The following APBA1 variants were observed in gnomAD, a reference collection of about 807,000 sequenced individuals.
The protein encoded by APBA1 is amyloid-beta A4 precursor protein-binding family A member 1.
Under a neutral mutation model 86.6 loss-of-function variants are expected in APBA1, and 55 were observed. The observed-to-expected ratio is 0.64, with a 90% CI of 0.51 to 0.80. The LOEUF is 0.80. APBA1 is among the 30% of genes least tolerant of loss of function. APBA1 has a pLI of 0.00. For synonymous variants in APBA1, 511 were observed against 493.9 expected, an observed-to-expected ratio of 1.03 and a Z score of -0.46; for missense variants, 1,090 against 1,183.0, an observed-to-expected ratio of 0.92 and a Z score of 1.15.
chr9:69,608,178 G>C (rs1822513983), intron 1 of APBA1, among the ~76,000 whole-genome samples: 2 of 152,244 alleles, frequency 1.3e-5, no homozygotes, highest in African/African-American at 4.8e-5. Flanking sequence ...AGAACACTTA[G>C]TCCCATATTT....
At chr9:69,496,961 T>C (rs1392782043) in intron 2 of APBA1, among the ~76,000 whole-genome samples, 1 of 146,368 alleles carries the variant, frequency 6.8e-6, no homozygotes, top group East Asian at 2.1e-4. Flanking sequence ...TTTTCAGTTA[T>C]TACTCAGAAA....
At chr9:69,612,277 C>A (rs1177151778) in intron 1 of APBA1, among the ~76,000 whole-genome samples, 1 of 151,936 alleles carries the variant, frequency 6.6e-6, no homozygotes, top group African/African-American at 2.4e-5. Flanking sequence ...TATAATATCT[C>A]AGTTTTTATA....
At position 69,516,289 on chromosome 9, in the gene APBA1, C is replaced by G. The variant is rs754059877; in HGVS notation, c.922G>C (p.Gly308Arg). Residue 308 changes from glycine to arginine, a missense_variant, in exon 2 of 13, where the codon GGG (glycine) becomes CGG (arginine). By Grantham distance (125) the Gly-to-Arg change is moderately radical. Coordinates refer to ENST00000265381, the MANE Select transcript of APBA1 (RefSeq NM_001163.4). This position sits in a 1 kb window ranked among gnomAD's most constrained non-coding sequence, Gnocchi z 7.3. Reference sequence around the variant, plus strand: ...AGCCCGGGGCTGTCGGGGCGACCCCCGGCCGGGGTAGGGGGACGCTCCAGG... The same window carrying G: ...AGCCCGGGGCTGTCGGGGCGACCCCGGGCCGGGGTAGGGGGACGCTCCAGG... ...QDLERPPTPA[G>R]GRPDSPGLQA... 6.6e-7 allele frequency: 1 copy of G among 1,511,166 alleles called. No individual in the cohort carries two copies. Among genetic ancestry groups the G allele is most frequent in the South Asian group, 1.2e-5 (1 of 80,534 alleles). 93.6% of individuals were successfully genotyped at this position (1,511,166 alleles called of 1,614,324 possible).
chr9:69,618,390 T>C (rs1447244236), intron 1 of APBA1, among the ~76,000 whole-genome samples: 1 of 152,234 alleles, frequency 6.6e-6, no homozygotes, highest in Non-Finnish European at 1.5e-5. Flanking sequence ...GACACTGTTC[T>C]AGATGCTGGA....
chr9:69,444,333 C>T (rs1357709875), intron 10 of APBA1, among the ~76,000 whole-genome samples: 5 of 152,322 alleles, frequency 3.3e-5, no homozygotes, highest in South Asian at 2.1e-4. Flanking sequence ...CTTCCATATG[C>T]GGCAGATCCC....
At chr9:69,431,451 G>A (rs369368618) in intron 12 of APBA1, 53 bp from the exon 13 acceptor site, 453 of 1,508,954 alleles carry the variant, frequency 3.0e-4, no homozygotes, top group South Asian at 7.1e-4. Flanking sequence ...GGCTGGCTGC[G>A]TGGGCACTGC....
intron 4 of APBA1, among the ~76,000 whole-genome samples, chr9:69,468,564 T>A (rs1835317548): frequency 6.6e-6 from 1 of 152,262 alleles, no homozygotes; most frequent in African/African-American, 2.4e-5. Flanking sequence ...GCAAGACAGA[T>A]AATGTGACCT....
intron 1 of APBA1, among the ~76,000 whole-genome samples, chr9:69,587,005 G>A (rs775288472): frequency 2.6e-5 from 4 of 152,182 alleles, no homozygotes; most frequent in Non-Finnish European, 4.4e-5. Context: ...AAGAAAATAT[G>A]GTCCATTGAT....
intron 9 of APBA1, 56 bp downstream of exon 9, chr9:69,452,066 T>C (rs950643875): frequency 6.4e-7 from 1 of 1,561,470 alleles, no homozygotes; most frequent in Non-Finnish European, 8.8e-7. Context: ...TGCCCCACTT[T>C]CCAAGCCCCT....
chr9:69,456,468 C>T (rs2133815262), intron 7 of APBA1, 36 bp from the exon 8 acceptor site: 3 of 1,540,110 alleles, frequency 1.9e-6, no homozygotes, highest in Middle Eastern at 2.0e-4. Context: ...AAGTCCAGCT[C>T]AGCATCTAAT....
At chr9:69,537,547 C>T (rs932979766) in intron 1 of APBA1, among the ~76,000 whole-genome samples, 19 of 152,176 alleles carry the variant, frequency 1.2e-4, no homozygotes, top group African/African-American at 4.3e-4. Flanking sequence ...CAATCCTCTT[C>T]TGGAAAGGAG....
chr9:69,441,199 G>A (rs979327758), intron 10 of APBA1, 84 bp from the exon 11 acceptor site: 8 of 1,506,212 alleles, frequency 5.3e-6, no homozygotes, highest in Non-Finnish European at 7.2e-6. Context: ...AAAGGCAAAA[G>A]AAGCTGCACT....
At chr9:69,557,945 A>G (rs778508355) in intron 1 of APBA1, among the ~76,000 whole-genome samples, 2 of 152,202 alleles carry the variant, frequency 1.3e-5, no homozygotes, top group Admixed American at 6.5e-5. Flanking sequence ...GGTCACATTC[A>G]TTAATTGTGC....
At chr9:69,585,647 T>C (rs529291885) in intron 1 of APBA1, among the ~76,000 whole-genome samples, 2 of 152,294 alleles carry the variant, frequency 1.3e-5, no homozygotes, top group African/African-American at 4.8e-5. Flanking sequence ...TGGTCTAACA[T>C]ACAGGGCCCA....
At chr9:69,492,435 A>AT (rs150405282) in intron 2 of APBA1, among the ~76,000 whole-genome samples, 6,795 of 152,112 alleles carry the variant, frequency 0.045, 530 homozygotes, top group African/African-American at 0.15. Context: ...TGTTTTCTTC[A>AT]TCTCGTTTCC....
At position 69,449,773 on chromosome 9, in the gene APBA1, T is replaced by C. The variant is rs1267611795; in HGVS notation, c.1992A>G (p.Gly664=). ...CCACAATCACCACACCTAGGATTTC[T>C]CCTTTCTGCTTCTCTATGAAAACCT... ...CKDVFIEKQK[G]EILGVVIVES... Residue 664 remains glycine, a synonymous_variant, in exon 10 of 13, where the codon GGA becomes GGG. Coordinates refer to ENST00000265381, the MANE Select transcript of APBA1 (RefSeq NM_001163.4). 6.2e-7 allele frequency: 1 copy of C among 1,611,538 alleles called. No individual in the cohort carries two copies. The highest frequency in any genetic ancestry group is 1.1e-5 in the South Asian group (1 of 91,030).
intron 1 of APBA1, among the ~76,000 whole-genome samples, chr9:69,615,165 G>A (rs1313891607): frequency 6.6e-6 from 1 of 152,192 alleles, no homozygotes; most frequent in Admixed American, 6.5e-5. Context: ...ACGCCACTGC[G>A]TTCCGGCCTG....
At chr9:69,497,234 C>T (rs545490934) in intron 2 of APBA1, among the ~76,000 whole-genome samples, 1 of 152,156 alleles carries the variant, frequency 6.6e-6, no homozygotes, top group Admixed American at 6.5e-5. Flanking sequence ...CCCAGCAGCA[C>T]AAAGGCGGTT....
chr9:69,497,330 C>T (rs1835815114), intron 2 of APBA1, among the ~76,000 whole-genome samples: 2 of 152,074 alleles, frequency 1.3e-5, no homozygotes, highest in Admixed American at 1.3e-4. Context: ...TCAAGGCCTG[C>T]ACTCTCCTGT....
Sources: gnomAD v4.1 joint callset for allele counts (sites outside exome capture counted in the v4.1 genomes callset) on GRCh38, gnomAD v4.1.1 for gene constraint, Gnocchi (gnomAD v3.1) non-coding constraint, MANE v1.5 for transcripts, NCBI Gene and HGNC (gene_info 2026-07-23, HGNC 2026-07-21) for gene names.